Variants in CDYL observed in about 807,000 individuals in gnomAD.
CDYL encodes the protein chromodomain Y-like protein.
A neutral mutation model predicts 47.3 loss-of-function variants in CDYL; 8 were observed. That is an observed-to-expected ratio of 0.17 (90% CI 0.10 to 0.31). The LOEUF is 0.31. Among genes scored for constraint, CDYL ranks in the 10% least tolerant of loss-of-function variants. The pLI is 1.00. For missense variants in CDYL, 471 were observed against 701.4 expected (o/e 0.67, Z 3.71); for synonymous variants, 266 against 265.0 (o/e 1.00, Z -0.04).
At chr6:4,710,553 A>G (rs1272714932) in intron 1 of CDYL, among the ~76,000 whole-genome samples, 1 of 149,604 alleles carries the variant, frequency 6.7e-6, no homozygotes, top group East Asian at 2.0e-4. Flanking sequence ...CTAAACCTCT[A>G]AAACAGGGAG....
intron 1 of CDYL, among the ~76,000 whole-genome samples, chr6:4,884,926 C>T (rs1173709420): frequency 2.0e-5 from 3 of 152,134 alleles, no homozygotes; most frequent in African/African-American, 7.2e-5. Context: ...TTTCACTTTC[C>T]ACAGTTTCAG....
intron 3 of CDYL, among the ~76,000 whole-genome samples, chr6:4,752,328 A>G (rs1758008999): frequency 6.6e-6 from 1 of 152,128 alleles, no homozygotes; most frequent in Non-Finnish European, 1.5e-5. Context: ...GCCTCCAAAT[A>G]AAGGTCTTTT....
At position 4,937,872 on chromosome 6, in the gene CDYL, A is replaced by G. The variant is rs1322047260; in HGVS notation, c.1121+135A>G. 4 of 662,080 alleles carry G rather than the reference A, an allele frequency of 6.0e-6. No homozygotes were observed. The Admixed American group carries it at 1.0e-4, about 17-fold the overall frequency. The allele number at this position is 662,080 out of a possible 1,614,324, so 41.0% of individuals were successfully genotyped here. ...CCCATGGAGAGACACGAGCAGCAAA[A>G]TTAATTAAATCATCTGTCTCTTCTA... On this transcript the variant is annotated intron_variant, in intron 4 of 6. Coordinates refer to ENST00000397588, the MANE Select transcript of CDYL (RefSeq NM_004824.4).
chr6:4,935,895 C>A, intron 3 of CDYL, 124 bp downstream of exon 3: 1 of 1,441,012 alleles, frequency 6.9e-7, no homozygotes. Flanking sequence ...TCTCCCGATG[C>A]CCACCAGAAG....
At chr6:4,811,122 T>A (rs906619772) in intron 1 of CDYL, among the ~76,000 whole-genome samples, 1 of 152,224 alleles carries the variant, frequency 6.6e-6, no homozygotes, top group Admixed American at 6.5e-5. Flanking sequence ...GTTGGCGTTA[T>A]AGAGGGGACA....
At chr6:4,718,059 TCTC>T (rs768144406) in intron 2 of CDYL, among the ~76,000 whole-genome samples, 1 of 152,002 alleles carries the variant, frequency 6.6e-6, no homozygotes, top group Non-Finnish European at 1.5e-5. Context: ...CCCAGGCTGG[TCTC>T]CTGGCCTCAA....
chr6:4,727,341 C>T (rs1378317074), intron 2 of CDYL, among the ~76,000 whole-genome samples: 1 of 152,134 alleles, frequency 6.6e-6, no homozygotes, highest in African/African-American at 2.4e-5. Context: ...TGGATGTATG[C>T]AGAGGAACTT....
At chr6:4,808,929 C>G (rs769875690) in intron 1 of CDYL, among the ~76,000 whole-genome samples, 1 of 152,082 alleles carries the variant, frequency 6.6e-6, no homozygotes. Context: ...GGTTGATTGT[C>G]ATTGTGTGTT....
chr6:4,719,078 C>CT (rs965269368), intron 2 of CDYL, among the ~76,000 whole-genome samples: 80 of 152,248 alleles, frequency 5.3e-4, no homozygotes, highest in African/African-American at 1.9e-3. Flanking sequence ...CATGCACCAC[C>CT]ACACCTGGCT....
chr6:4,908,598 T>C (rs922177968), intron 2 of CDYL, among the ~76,000 whole-genome samples: 6 of 152,148 alleles, frequency 3.9e-5, no homozygotes, highest in Non-Finnish European at 8.8e-5. Flanking sequence ...CCAGGGTCTG[T>C]TTTTTAAGCA....
intron 1 of CDYL, among the ~76,000 whole-genome samples, chr6:4,712,001 G>A (rs2127406636): frequency 6.6e-6 from 1 of 152,266 alleles, no homozygotes; most frequent in African/African-American, 2.4e-5. Context: ...GAAGGTCGAG[G>A]CTGCAGTGAG....
intron 2 of CDYL, among the ~76,000 whole-genome samples, chr6:4,925,782 C>G (rs1346144629): frequency 6.6e-6 from 1 of 152,074 alleles, no homozygotes; most frequent in African/African-American, 2.4e-5. Flanking sequence ...GCTTCTGAGC[C>G]TAGGAGGTCG....
chr6:4,822,027 G>C (rs1759852754), intron 1 of CDYL, among the ~76,000 whole-genome samples: 1 of 152,094 alleles, frequency 6.6e-6, no homozygotes, highest in Non-Finnish European at 1.5e-5. Context: ...CTGGAGTGCA[G>C]TGGTGTCAAT....
intron 2 of CDYL, among the ~76,000 whole-genome samples, chr6:4,894,859 A>ATATACACACGTACG (rs1561692210): frequency 1.1e-4 from 7 of 63,138 alleles, no homozygotes; most frequent in African/African-American, 2.8e-4. Context: ...GTGTGTGTAT[A>ATATACACACGTACG]TGTGTATATA....
At chr6:4,890,520 A>G (rs1397907219) in intron 1 of CDYL, among the ~76,000 whole-genome samples, 1 of 152,180 alleles carries the variant, frequency 6.6e-6, no homozygotes, top group East Asian at 1.9e-4. Context: ...TTCAGTAGTT[A>G]AGGGCTTCAG....
intron 1 of CDYL, chr6:4,836,431 T>C: frequency 4.6e-6 from 1 of 219,128 alleles, no homozygotes; most frequent in Non-Finnish European, 7.7e-6. Context: ...ATTTTTTTCC[T>C]TTCCCTTATG....
chr6:4,815,515 C>T (rs1175455342), intron 1 of CDYL, among the ~76,000 whole-genome samples: 1 of 152,118 alleles, frequency 6.6e-6, no homozygotes, highest in African/African-American at 2.4e-5. Flanking sequence ...TTTAAAAAAT[C>T]TGTATAACCA....
At chr6:4,897,723 C>T (rs1012506763) in intron 2 of CDYL, among the ~76,000 whole-genome samples, 2 of 151,274 alleles carry the variant, frequency 1.3e-5, no homozygotes, top group African/African-American at 4.9e-5. Flanking sequence ...TTGAGACCAG[C>T]CTGGGCAACA....
At chr6:4,753,937 C>T (rs577006649) in intron 3 of CDYL, among the ~76,000 whole-genome samples, 2 of 152,272 alleles carry the variant, frequency 1.3e-5, no homozygotes, top group East Asian at 3.9e-4. Context: ...TTCTTACCCC[C>T]TTTTTCCCTT....
Sources: gnomAD v4.1 joint callset for allele counts (sites outside exome capture counted in the v4.1 genomes callset) on GRCh38, gnomAD v4.1.1 for gene constraint, MANE v1.5 for transcripts, NCBI Gene and HGNC (gene_info 2026-07-23, HGNC 2026-07-21) for gene names.